The following ORC3 variants were observed in gnomAD, a reference collection of about 807,000 sequenced individuals.
ORC3 encodes origin recognition complex subunit 3.
In ORC3, 78 loss-of-function variants were observed where a neutral mutation model predicts 100.7. That is an observed-to-expected ratio of 0.77 (90% CI 0.65 to 0.94). The LOEUF is 0.94. Ranked by LOEUF, ORC3 falls within the 40% of genes least tolerant of loss-of-function variation. The probability of loss-of-function intolerance (pLI) is 0.00; values close to 1 mark genes in which losing one functional copy is unlikely to be tolerated. For missense variants in ORC3, 789 were observed against 823.9 expected, an observed-to-expected ratio of 0.96 and a Z score of 0.52; for synonymous variants, 295 against 289.3, an observed-to-expected ratio of 1.02 and a Z score of -0.20.
At chr6:87,614,428 T>C (rs888624533) in intron 8 of ORC3, among the ~76,000 whole-genome samples, 2 of 152,218 alleles carry the variant, frequency 1.3e-5, no homozygotes, top group African/African-American at 4.8e-5. Context: ...ATTTTCTCCA[T>C]TGTTTTGGGG....
the ORC3 span, among the ~76,000 whole-genome samples, chr6:87,674,779 A>C: frequency 6.6e-6 from 1 of 151,590 alleles, no homozygotes; most frequent in South Asian, 2.1e-4. Context: ...CAGCAGAAGA[A>C]GGCATTTAGA....
At position 87,664,670 on chromosome 6, in the gene ORC3, G is replaced by T. The variant is rs1344199578; in HGVS notation, c.1834-73G>T. On this transcript the variant is annotated intron_variant, in intron 17 of 19. Coordinates refer to ENST00000392844, the MANE Select transcript of ORC3 (RefSeq NM_012381.4). ...CTGGTTTACTCAGTTTAGGTTGGGG[G>T]CTTCATTAATGTCTGATTTTATTCC... 3.2e-5 allele frequency: 38 copies of T among 1,176,592 alleles called. No homozygotes were observed. The East Asian group carries it at 8.5e-4, about 26-fold the overall frequency. The allele number at this position is 1,176,592 out of a possible 1,614,324, so 72.9% of individuals were successfully genotyped here.
At position 87,636,505 on chromosome 6, in the gene ORC3, G is replaced by T. The variant is rs1337897069; in HGVS notation, c.1382+19G>T. 30 of 1,563,628 alleles carry T rather than the reference G, an allele frequency of 1.9e-5. No homozygotes were observed. The highest frequency in any genetic ancestry group is 2.6e-5 in the Non-Finnish European group (30 of 1,134,452). On this transcript the variant is annotated intron_variant, in intron 13 of 19. Transcript: ENST00000392844. ...TGCTGAGGTAGTTTTGTTTTTTCTT[G>T]TTTTTCTATTTTTGTCTGCTATAAG...
Position 87,621,296 on chromosome 6 carries a change from C to T in ORC3, c.988-58C>T, listed in dbSNP as rs1412135406. Reference sequence around the variant, plus strand: ...ATCCTTAAAATTGAGCAGATTGTAGCGCAATAGATTTACTGCCAAAATATA... The same window carrying T: ...ATCCTTAAAATTGAGCAGATTGTAGTGCAATAGATTTACTGCCAAAATATA... On this transcript the variant is annotated intron_variant, in intron 9 of 19. Coordinates refer to ENST00000392844, the MANE Select transcript of ORC3 (RefSeq NM_012381.4). 5 of 1,290,738 alleles carry T rather than the reference C, an allele frequency of 3.9e-6. No homozygotes were observed. The East Asian group carries it at 8.1e-5, about 21-fold the overall frequency. The allele number at this position is 1,290,738 out of a possible 1,614,324, so 80.0% of individuals were successfully genotyped here.
intron 13 of ORC3, among the ~76,000 whole-genome samples, chr6:87,645,969 T>C (rs1348423261): frequency 1.4e-5 from 2 of 140,142 alleles, no homozygotes; most frequent in Non-Finnish European, 3.1e-5. Flanking sequence ...GTGAAATAAT[T>C]TTTTCTTTTT....
At chr6:87,622,889 C>A (rs181654562) in intron 11 of ORC3, among the ~76,000 whole-genome samples, 83 of 152,194 alleles carry the variant, frequency 5.5e-4, no homozygotes, top group African/African-American at 1.7e-3. Flanking sequence ...TAAGAACATG[C>A]CTCTTACTGA....
At chr6:87,649,900 T>C (rs1187853477) in intron 13 of ORC3, among the ~76,000 whole-genome samples, 1 of 152,116 alleles carries the variant, frequency 6.6e-6, no homozygotes, top group Non-Finnish European at 1.5e-5. Context: ...CATACACATA[T>C]ATTATAATGT....
chr6:87,611,614 C>G (rs1778774411), intron 7 of ORC3, among the ~76,000 whole-genome samples: 1 of 151,946 alleles, frequency 6.6e-6, no homozygotes, highest in Admixed American at 6.6e-5. Flanking sequence ...TGGTGAAACC[C>G]CATCTCCACT....
chr6:87,626,162 A>T (rs1779884784), intron 11 of ORC3, among the ~76,000 whole-genome samples: 1 of 152,060 alleles, frequency 6.6e-6, no homozygotes. Context: ...TTGTCTTGGC[A>T]ATGTGGGCTC....
At position 87,612,161 on chromosome 6, in the gene ORC3, G is replaced by A. The variant is rs1317280578; in HGVS notation, c.786G>A (p.Leu262=). 2 of 1,613,382 alleles carry A rather than the reference G, an allele frequency of 1.2e-6. No homozygotes were observed. Among genetic ancestry groups the A allele is most frequent in the Non-Finnish European group, 1.7e-6 (2 of 1,179,678 alleles). The change falls in exon 8 of 20, where the codon TTG becomes TTA. Residue 262 remains leucine, a synonymous_variant. Coordinates refer to ENST00000392844, the MANE Select transcript of ORC3 (RefSeq NM_012381.4). ...IATSPIIIHR[L]LPHAVSSLLC... is the part of the protein sequence containing the mutation. ...CATCTCCTATTATCATCCACCGATT[G>A]CTTCCTCATGCAGTATCATCTCTAT...
intron 11 of ORC3, among the ~76,000 whole-genome samples, chr6:87,624,703 T>G (rs1002166058): frequency 7.2e-4 from 110 of 152,346 alleles, no homozygotes; most frequent in Middle Eastern, 3.4e-3. Flanking sequence ...TTTTCTTTTT[T>G]TTAATTATAC....
intron 8 of ORC3, among the ~76,000 whole-genome samples, chr6:87,613,133 A>G (rs1412458830): frequency 6.6e-6 from 1 of 152,242 alleles, no homozygotes; most frequent in Admixed American, 6.5e-5. Flanking sequence ...TGGGCAATTT[A>G]CAAAAGAAAG....
Position 87,603,448 on chromosome 6 carries a change from A to G in ORC3, c.242A>G (p.His81Arg). 3.3e-6 allele frequency: 5 copies of G among 1,533,110 alleles called. No individual in the cohort carries two copies. Among genetic ancestry groups the G allele is most frequent in the Non-Finnish European group, 4.5e-6 (5 of 1,123,258 alleles). 95.0% of individuals were successfully genotyped at this position (1,533,110 alleles called of 1,614,324 possible). Residue 81 changes from histidine to arginine, a missense_variant, in exon 4 of 20, where the codon CAT (histidine) becomes CGT (arginine). This residue lies in a region of ORC3 where 399 missense variants were observed against 382.0 expected (regional missense o/e 1.04). Transcript: ENST00000392844. ...DNLIEFLQKS[H>R]SGFQKNSRDL... is the part of the protein sequence containing the mutation. ...CTGATTGAATTTCTGCAAAAATCAC[A>G]TTCTGGATTCCAGAAGAATTCAAGA...
chr6:87,611,766 A>G lies in ORC3; in HGVS notation c.714-323A>G, dbSNP rs1778790175. Among the ~76,000 whole-genome samples, 5 of 151,878 alleles carry G rather than the reference A, an allele frequency of 3.3e-5. No individual in the cohort carries two copies. The South Asian group carries it at 1.0e-3, about 32-fold the overall frequency. ...CACTGCACTCCAGTCTGGGTGACAGAGCAGGACTCCATCTGAAAAAAAAAA... is the reference window on the plus strand; with the variant it reads ...CACTGCACTCCAGTCTGGGTGACAGGGCAGGACTCCATCTGAAAAAAAAAA... On this transcript the variant is annotated intron_variant, in intron 7 of 19. Coordinates refer to ENST00000392844, the MANE Select transcript of ORC3 (RefSeq NM_012381.4).
At chr6:87,637,273 G>A (rs1438317880) in intron 13 of ORC3, among the ~76,000 whole-genome samples, 2 of 152,196 alleles carry the variant, frequency 1.3e-5, no homozygotes, top group South Asian at 2.1e-4. Flanking sequence ...GATGGGCACA[G>A]TAGGAGGAAA....
rs184582245 is a variant in ORC3, at chr6:87,662,446, A to C, written c.1692-557A>C. On this transcript the variant is annotated intron_variant, in intron 16 of 19. Transcript: ENST00000392844. ...AAACTCCGTCTCAAAAAAAACCAAA[A>C]CAAAACAAAAAAACCCCACAACTTT... 4.0e-4 allele frequency among the ~76,000 whole-genome samples: 61 copies of C among 152,196 alleles called. No homozygotes were observed. The East Asian group carries it at 5.8e-3, about 14-fold the overall frequency.
rs751673223 is a variant in ORC3, at chr6:87,603,385, G to T, written c.179G>T (p.Arg60Leu). The change falls in exon 4 of 20, where the codon CGA becomes CTA. Residue 60 changes from arginine to leucine, a missense_variant and splice_region_variant. Coordinates refer to ENST00000392844, the MANE Select transcript of ORC3 (RefSeq NM_012381.4). The stretch of plus-strand genomic sequence containing the variant: ...TAAGTTTTTGTGTGTTCTTTGTAGC[G>T]ACTACAAGAGGAATTAAATAAAAAC... ...IWQQMKSENE[R>L]LQEELNKNLF... is the part of the protein sequence containing the mutation. 7 of 1,440,154 alleles carry T rather than the reference G, an allele frequency of 4.9e-6. No individual in the cohort carries two copies. Among genetic ancestry groups the T allele is most frequent in the Admixed American group, 3.6e-5 (2 of 55,650 alleles). The allele number at this position is 1,440,154 out of a possible 1,614,324, so 89.2% of individuals were successfully genotyped here. A position where few individuals can be genotyped will look rare whatever the true frequency, so the allele number is the denominator to read the frequency against.
At chr6:87,620,661 A>G (rs1779470460) in intron 9 of ORC3, among the ~76,000 whole-genome samples, 1 of 152,236 alleles carries the variant, frequency 6.6e-6, no homozygotes, top group East Asian at 1.9e-4. Context: ...ACATTTGCAT[A>G]GTCTTGCAAG....
chr6:87,599,864 TC>T (rs1259039409), intron 2 of ORC3, among the ~76,000 whole-genome samples: 1 of 152,068 alleles, frequency 6.6e-6, no homozygotes, highest in African/African-American at 2.4e-5. Context: ...TCCCAGCTAC[TC>T]GGGAGGCTGA....
Sources: gnomAD v4.1 joint callset for allele counts (sites outside exome capture counted in the v4.1 genomes callset) on GRCh38, gnomAD v4.1.1 for gene constraint, gnomAD v4.1.1 regional missense constraint, MANE v1.5 for transcripts, NCBI Gene and HGNC (gene_info 2026-07-23, HGNC 2026-07-21) for gene names.